Variants in LHFPL3 observed in about 807,000 individuals in gnomAD.
The protein encoded by LHFPL3 is LHFPL tetraspan subfamily member 3.
Under a neutral mutation model 19.3 loss-of-function variants are expected in LHFPL3, and 5 were observed. The observed-to-expected ratio is 0.26, with a 90% CI of 0.14 to 0.54. The LOEUF is 0.54. Among genes scored for constraint, LHFPL3 ranks in the 20% least tolerant of loss-of-function variants. LHFPL3 has a pLI of 0.94. For missense variants in LHFPL3, 249 were observed against 307.4 expected, an observed-to-expected ratio of 0.81 and a Z score of 1.42; for synonymous variants, 133 against 126.2, an observed-to-expected ratio of 1.05 and a Z score of -0.36.
chr7:104,553,024 A>G (rs1794690988), intron 1 of LHFPL3, among the ~76,000 whole-genome samples: 1 of 152,174 alleles, frequency 6.6e-6, no homozygotes, highest in Non-Finnish European at 1.5e-5. Context: ...AATATCCATA[A>G]AGCCCTTAGA....
chr7:104,416,839 A>G (rs1791631239), intron 1 of LHFPL3, among the ~76,000 whole-genome samples: 1 of 152,194 alleles, frequency 6.6e-6, no homozygotes. Context: ...AAGGTCCAAG[A>G]TTGAGTGGAT....
At chr7:104,683,103 C>A (rs1426306494) in intron 1 of LHFPL3, among the ~76,000 whole-genome samples, 3 of 152,212 alleles carry the variant, frequency 2.0e-5, no homozygotes, top group African/African-American at 7.2e-5. Context: ...AATTCACCTG[C>A]CTCAGCCTCC....
Position 104,756,875 on chromosome 7 carries a change from T to C in LHFPL3, c.682+19964T>C, listed in dbSNP as rs575170367. ...TGCTTTGAATATTAAGCAGAGATTC[T>C]GACAACTTTTTTCACTACTGTGTGC... On this transcript the variant is annotated intron_variant, in intron 2 of 2. Transcript: ENST00000424859. 4.9e-4 allele frequency among the ~76,000 whole-genome samples: 75 copies of C among 152,360 alleles called. No individual in the cohort carries two copies. In the South Asian group the frequency reaches 9.5e-3, roughly 19 times the overall value.
chr7:104,330,661 G>A (rs1801550306), intron 1 of LHFPL3, among the ~76,000 whole-genome samples: 1 of 152,128 alleles, frequency 6.6e-6, no homozygotes, highest in Non-Finnish European at 1.5e-5. Flanking sequence ...CAGCAGTAGA[G>A]ACTCCCTCCT....
intron 1 of LHFPL3, among the ~76,000 whole-genome samples, chr7:104,331,742 G>C: frequency 6.6e-6 from 1 of 152,210 alleles, no homozygotes; most frequent in East Asian, 1.9e-4. Flanking sequence ...TTGAGGTCAG[G>C]AGTTCAAAAC....
intron 1 of LHFPL3, among the ~76,000 whole-genome samples, chr7:104,355,475 G>A (rs891850275): frequency 6.6e-6 from 1 of 152,166 alleles, no homozygotes; most frequent in Admixed American, 6.5e-5. Flanking sequence ...AGAGTAACTT[G>A]AAACTAAATT....
In LHFPL3 at chr7:104,657,895, G is replaced by A. The variant is rs542290490; in HGVS notation, c.446-78780G>A. On this transcript the variant is annotated intron_variant, in intron 1 of 2. Transcript: ENST00000424859. The stretch of plus-strand genomic sequence containing the variant: ...TGTTTTGACAACTGAATAATATCTC[G>A]TTTTATTTGGCTACTAACTTGCCAG... 1.2e-3 allele frequency among the ~76,000 whole-genome samples: 177 copies of A among 152,180 alleles called. No individual in the cohort carries two copies. The South Asian group carries it at 0.03, about 26-fold the overall frequency.
At chr7:104,566,945 C>A (rs1441409949) in intron 1 of LHFPL3, among the ~76,000 whole-genome samples, 2 of 152,198 alleles carry the variant, frequency 1.3e-5, no homozygotes, top group African/African-American at 2.4e-5. Context: ...GTTAGAATTT[C>A]TCTTCTTAAT....
At chr7:104,819,629 T>C (rs992383968) in intron 2 of LHFPL3, among the ~76,000 whole-genome samples, 1 of 152,250 alleles carries the variant, frequency 6.6e-6, no homozygotes, top group African/African-American at 2.4e-5. Context: ...TCAGCACTAG[T>C]ACCCCAAGTC....
chr7:104,632,727 G>A (rs566252153), intron 1 of LHFPL3, among the ~76,000 whole-genome samples: 2 of 152,312 alleles, frequency 1.3e-5, no homozygotes, highest in African/African-American at 2.4e-5. Context: ...AAGATTTGCA[G>A]CTTCAACTTC....
intron 1 of LHFPL3, among the ~76,000 whole-genome samples, chr7:104,457,297 G>C (rs989887640): frequency 4.7e-5 from 7 of 147,714 alleles, no homozygotes; most frequent in African/African-American, 1.8e-4. Context: ...AGTCCCCAGA[G>C]TGTGATGTTC....
chr7:104,693,255 G>A (rs916338108), intron 1 of LHFPL3, among the ~76,000 whole-genome samples: 2 of 152,192 alleles, frequency 1.3e-5, no homozygotes, highest in African/African-American at 4.8e-5. Flanking sequence ...AGGCAGAAGG[G>A]ACTTGCCTGG....
chr7:104,660,051 G>A (rs1792196453), intron 1 of LHFPL3, among the ~76,000 whole-genome samples: 1 of 151,058 alleles, frequency 6.6e-6, no homozygotes, highest in African/African-American at 2.4e-5. Context: ...GCCCAGGCTG[G>A]AGTATAGTGG....
intron 1 of LHFPL3, among the ~76,000 whole-genome samples, chr7:104,422,224 G>A (rs1791745694): frequency 6.6e-6 from 1 of 152,182 alleles, no homozygotes; most frequent in Non-Finnish European, 1.5e-5. Context: ...AGCTGGCCAC[G>A]GTGGCATGTG....
At position 104,633,843 on chromosome 7, in the gene LHFPL3, A is replaced by G. The variant is rs189840874; in HGVS notation, c.446-102832A>G. Among the ~76,000 whole-genome samples, 275 of 152,304 alleles carry G rather than the reference A, an allele frequency of 1.8e-3. 2 individuals are homozygous for G. The highest frequency in any genetic ancestry group is 3.1e-3 in the Non-Finnish European group (208 of 68,020). ...AACGTTGCCAACACTAAGTTATAAT[A>G]TTTCAATATGAGGTATTCATTTTCC... On this transcript the variant is annotated intron_variant, in intron 1 of 2. Coordinates refer to ENST00000424859, the MANE Select transcript of LHFPL3 (RefSeq NM_199000.3).
intron 1 of LHFPL3, among the ~76,000 whole-genome samples, chr7:104,560,941 C>T (rs1179597550): frequency 6.7e-6 from 1 of 149,200 alleles, no homozygotes; most frequent in East Asian, 1.9e-4. Context: ...CGTTATGTAC[C>T]CAGTAGTCAT....
At chr7:104,805,785 AC>A (rs1790348993) in intron 2 of LHFPL3, among the ~76,000 whole-genome samples, 1 of 151,858 alleles carries the variant, frequency 6.6e-6, no homozygotes, top group Admixed American at 6.6e-5. Context: ...CTTATCCCAA[AC>A]CCCTCTCTTC....
chr7:104,474,670 GACAACA>G (rs1356816416), intron 1 of LHFPL3, among the ~76,000 whole-genome samples: 5 of 106,060 alleles, frequency 4.7e-5, no homozygotes, highest in African/African-American at 1.5e-4. Flanking sequence ...CCATCACAAC[GACAACA>G]ACAACAACAA....
intron 1 of LHFPL3, among the ~76,000 whole-genome samples, chr7:104,611,371 A>T (rs1791210648): frequency 6.6e-6 from 1 of 152,206 alleles, no homozygotes; most frequent in African/African-American, 2.4e-5. Flanking sequence ...CTATTGCTAG[A>T]AGGGGACAGC....
Sources: gnomAD v4.1 joint callset for allele counts (sites outside exome capture counted in the v4.1 genomes callset) on GRCh38, gnomAD v4.1.1 for gene constraint, MANE v1.5 for transcripts, NCBI Gene and HGNC (gene_info 2026-07-23, HGNC 2026-07-21) for gene names.